The following KPNA6 variants were observed in gnomAD, a reference collection of about 807,000 sequenced individuals.
KPNA6 encodes the protein importin subunit alpha-7.
A neutral mutation model predicts 72.0 loss-of-function variants in KPNA6; 9 were observed. The ratio of observed to expected loss-of-function variants is 0.13; its 90% CI spans 0.08 to 0.22. The LOEUF (loss-of-function observed/expected upper bound fraction) is 0.22. Among genes scored for constraint, KPNA6 ranks in the 10% least tolerant of loss-of-function variants. The pLI, the probability that KPNA6 is intolerant of heterozygous loss-of-function variation, is 1.00. For missense variants in KPNA6, 374 were observed against 655.7 expected (o/e 0.57, Z 4.69); for synonymous variants, 219 against 242.1 (o/e 0.90, Z 0.89).
At chr1:32,143,166 C>G (rs1207327835) in intron 1 of KPNA6, 2 of 428,436 alleles carry the variant, frequency 4.7e-6, no homozygotes, top group African/African-American at 4.0e-5. Flanking sequence ...TGGGCTCAAG[C>G]AATCCTCCTG....
chr1:32,118,479 A>C (rs932378891), intron 1 of KPNA6, among the ~76,000 whole-genome samples: 3 of 151,776 alleles, frequency 2.0e-5, no homozygotes, highest in African/African-American at 7.3e-5. Flanking sequence ...CTTACTCTAC[A>C]TAGCCTCATT....
At chr1:32,148,777 T>A (rs182674618) in intron 1 of KPNA6, among the ~76,000 whole-genome samples, 2 of 152,188 alleles carry the variant, frequency 1.3e-5, no homozygotes, top group African/African-American at 4.8e-5. Context: ...CAGGCTGGTC[T>A]CAAACATCTG....
chr1:32,131,007 T>C (rs1641626273), intron 1 of KPNA6, among the ~76,000 whole-genome samples: 1 of 151,728 alleles, frequency 6.6e-6, no homozygotes, highest in Non-Finnish European at 1.5e-5. Flanking sequence ...TAAGAAAAAA[T>C]AGTGGGCCGG....
intron 1 of KPNA6, among the ~76,000 whole-genome samples, chr1:32,121,105 G>T (rs1641425840): frequency 6.6e-6 from 1 of 152,152 alleles, no homozygotes; most frequent in African/African-American, 2.4e-5. Flanking sequence ...TGGAATTCCT[G>T]ACCTCAAGTG....
chr1:32,158,671 C>T (rs1409467621), intron 5 of KPNA6, among the ~76,000 whole-genome samples: 1 of 152,092 alleles, frequency 6.6e-6, no homozygotes, highest in South Asian at 2.1e-4. Context: ...ATCCCCATCC[C>T]ACCCCCAGTC....
At position 32,160,713 on chromosome 1, in the gene KPNA6, T is replaced by TA; in HGVS notation, c.647+11dup. The TA allele has an allele frequency of 1.9e-6, 3 of 1,605,698 alleles. No homozygotes were observed. The highest frequency in any genetic ancestry group is 2.6e-6 in the Non-Finnish European group (3 of 1,172,370). ...TTAATCCTTTGTTAACGTGAGTAAT[T>TA]ATAATCATCTGTACCTGGGCGTCTA... On this transcript the variant is annotated intron_variant, in intron 7 of 13. Coordinates refer to ENST00000373625, the MANE Select transcript of KPNA6 (RefSeq NM_012316.5).
chr1:32,128,736 C>A (rs1448827989), intron 1 of KPNA6, among the ~76,000 whole-genome samples: 1 of 152,002 alleles, frequency 6.6e-6, no homozygotes, highest in African/African-American at 2.4e-5. Flanking sequence ...ACCCTGAGAG[C>A]CTCATGCTGC....
chr1:32,123,235 T>C (rs1274572933), intron 1 of KPNA6, among the ~76,000 whole-genome samples: 1 of 152,150 alleles, frequency 6.6e-6, no homozygotes, highest in Admixed American at 6.6e-5. Flanking sequence ...TTGGTACAGA[T>C]CAGTAATCCA....
chr1:32,120,226 T>C (rs1221870283), intron 1 of KPNA6, among the ~76,000 whole-genome samples: 1 of 152,046 alleles, frequency 6.6e-6, no homozygotes, highest in African/African-American at 2.4e-5. Context: ...TACAAAATTA[T>C]ATGTATTTTT....
intron 10 of KPNA6, among the ~76,000 whole-genome samples, chr1:32,164,980 C>G (rs1022739878): frequency 2.0e-5 from 3 of 152,190 alleles, no homozygotes; most frequent in African/African-American, 7.2e-5. Flanking sequence ...TCACTGCAAC[C>G]TCTGCCTCCT....
At chr1:32,158,494 TG>T in intron 5 of KPNA6, 133 bp downstream of exon 5, 1 of 576,592 alleles carries the variant, frequency 1.7e-6, no homozygotes, top group South Asian at 2.2e-5. Flanking sequence ...TCATGGAGAA[TG>T]GGGTATCCAT....
At chr1:32,147,821 AGCTAATTTTT>A (rs1641957929) in intron 1 of KPNA6, among the ~76,000 whole-genome samples, 1 of 150,890 alleles carries the variant, frequency 6.6e-6, no homozygotes, top group Non-Finnish European at 1.5e-5. Context: ...CACCATGCCC[AGCTAATTTTT>A]GTACTTTTTG....
chr1:32,151,791 A>T (rs1642037814), intron 1 of KPNA6, among the ~76,000 whole-genome samples: 1 of 152,238 alleles, frequency 6.6e-6, no homozygotes, highest in African/African-American at 2.4e-5. Context: ...TCATGGCTGG[A>T]AGTGGAAGTG....
At chr1:32,157,718 T>G (rs553091621) in intron 4 of KPNA6, among the ~76,000 whole-genome samples, 1 of 152,172 alleles carries the variant, frequency 6.6e-6, no homozygotes, top group East Asian at 1.9e-4. Flanking sequence ...CCCTACATAT[T>G]CTCCTCCTCT....
chr1:32,135,783 T>G (rs58929236), intron 1 of KPNA6, among the ~76,000 whole-genome samples: 2,323 of 147,094 alleles, frequency 0.016, 51 homozygotes, highest in African/African-American at 0.055. Flanking sequence ...GTTATGGGGT[T>G]TTTTTTTTTT....
intron 1 of KPNA6, among the ~76,000 whole-genome samples, chr1:32,122,957 C>CAAA (rs912635889): frequency 2.3e-4 from 13 of 56,110 alleles, no homozygotes; most frequent in African/African-American, 6.1e-4. Flanking sequence ...AACTCCATCT[C>CAAA]AAAAAAAAAA....
chr1:32,155,703 A>T (rs560519479), intron 2 of KPNA6, among the ~76,000 whole-genome samples: 51 of 146,118 alleles, frequency 3.5e-4, no homozygotes, highest in Non-Finnish European at 4.9e-4. Context: ...CCTGATTATT[A>T]TTATTTATTT....
At chr1:32,170,583 A>G (rs1642417556) in intron 13 of KPNA6, 124 bp from the exon 14 acceptor site, 3 of 749,562 alleles carry the variant, frequency 4.0e-6, no homozygotes, top group East Asian at 2.5e-5. Context: ...TCCAAGAGTG[A>G]TCTGATCATA....
chr1:32,158,063 G>C (rs922645901), intron 4 of KPNA6, among the ~76,000 whole-genome samples: 10 of 152,090 alleles, frequency 6.6e-5, no homozygotes, highest in African/African-American at 2.2e-4. Context: ...TCTTAAATTA[G>C]GATTGGCTTT....
Sources: allele counts gnomAD v4.1 joint callset (sites outside exome capture counted in the v4.1 genomes callset), GRCh38; gene constraint gnomAD v4.1.1; transcripts MANE v1.5; gene names NCBI Gene and HGNC (gene_info 2026-07-23, HGNC 2026-07-21).